The following IL1RAPL1 variants were observed in gnomAD, a reference collection of about 807,000 sequenced individuals.
The protein encoded by IL1RAPL1 is interleukin-1 receptor accessory protein-like 1.
Under a neutral mutation model 48.4 loss-of-function variants are expected in IL1RAPL1, and 3 were observed. The observed-to-expected ratio is 0.06, with a 90% confidence interval of 0.03 to 0.16. The LOEUF is 0.16. Among genes scored for constraint, IL1RAPL1 ranks in the 10% least tolerant of loss-of-function variants. IL1RAPL1 has a pLI of 1.00. For missense variants in IL1RAPL1, 349 were observed against 530.6 expected, an observed-to-expected ratio of 0.66 and a Z score of 3.36; for synonymous variants, 185 against 187.7, an observed-to-expected ratio of 0.99 and a Z score of 0.12.
intron 6 of IL1RAPL1, among the ~76,000 whole-genome samples, chrX:29,774,046 G>A (rs1311526836): frequency 9.0e-6 from 1 of 110,587 alleles, no homozygotes; most frequent in African/African-American, 3.3e-5. Context: ...GTTTAGATAT[G>A]AGAAACTACT....
intron 5 of IL1RAPL1, among the ~76,000 whole-genome samples, chrX:29,489,924 A>T (rs1935137655): frequency 8.9e-6 from 1 of 111,815 alleles, no homozygotes; most frequent in Admixed American, 9.5e-5. Context: ...CAGCCTAATT[A>T]TTACCTTTTT....
intron 2 of IL1RAPL1, among the ~76,000 whole-genome samples, chrX:28,843,705 G>C (rs1921435050): frequency 8.9e-6 from 1 of 111,850 alleles, no homozygotes; most frequent in African/African-American, 3.2e-5. Context: ...TTGACTGTAA[G>C]AGTTGCTACA....
In IL1RAPL1 at chrX:28,936,748, A is replaced by G. The variant is rs768186624; in HGVS notation, c.82+147323A>G. On this transcript the variant is annotated intron_variant, in intron 2 of 10. Transcript: ENST00000378993. ...GAGCTTCAGGTTCCTCCTCTTCACA[A>G]TAAAAGTTTTGTGTCACTTGAGTTC... 3.6e-5 allele frequency among the ~76,000 whole-genome samples: 4 copies of G among 110,675 alleles called. No homozygotes were observed. The South Asian group carries it at 1.5e-3, about 42-fold the overall frequency.
chrX:29,401,800 T>C (rs774487039), intron 5 of IL1RAPL1, among the ~76,000 whole-genome samples: 83 of 111,085 alleles, frequency 7.5e-4, no homozygotes, highest in Non-Finnish European at 1.4e-3. Flanking sequence ...TTATTGAAAA[T>C]GTATATCCTT....
intron 9 of IL1RAPL1, among the ~76,000 whole-genome samples, chrX:29,943,658 C>G (rs1013912173): frequency 3.6e-5 from 4 of 111,898 alleles, no homozygotes; most frequent in African/African-American, 1.3e-4. Flanking sequence ...TTCTATTAAC[C>G]CTGTTTTGAA....
intron 6 of IL1RAPL1, among the ~76,000 whole-genome samples, chrX:29,726,700 C>T (rs1012532328): frequency 8.9e-6 from 1 of 111,925 alleles, no homozygotes; most frequent in Non-Finnish European, 1.9e-5. Flanking sequence ...AGAGGGGAGG[C>T]AGTGGCTCAT....
At position 29,459,521 on chromosome X, in the gene IL1RAPL1, G is replaced by A. The variant is rs192241055; in HGVS notation, c.703+60213G>A. On this transcript the variant is annotated intron_variant, in intron 5 of 10. Transcript: ENST00000378993. The stretch of plus-strand genomic sequence containing the variant: ...AGTAAGGGACTGTAAACAAGCGAGC[G>A]GATTGGAAGAGTGTCATAATAGCTT... Among the ~76,000 whole-genome samples the A allele has an allele frequency of 5.1e-3, 568 of 111,311 alleles. 8 individuals are homozygous for A. Among genetic ancestry groups the A allele is most frequent in the African/African-American group, 0.018 (541 of 30,647 alleles).
intron 5 of IL1RAPL1, among the ~76,000 whole-genome samples, chrX:29,634,328 C>T (rs186532041): frequency 4.5e-5 from 5 of 110,842 alleles, no homozygotes; most frequent in Non-Finnish European, 9.4e-5. Flanking sequence ...TATAACCATC[C>T]CATATTGAGG....
chrX:29,536,186 A>C (rs967172618), intron 5 of IL1RAPL1, among the ~76,000 whole-genome samples: 20 of 112,260 alleles, frequency 1.8e-4, no homozygotes, highest in African/African-American at 6.5e-4. Context: ...TTTATGGTGT[A>C]CTACTAAGAA....
At chrX:29,701,384 C>A (rs1052788342) in intron 6 of IL1RAPL1, among the ~76,000 whole-genome samples, 2 of 112,245 alleles carry the variant, frequency 1.8e-5, no homozygotes, top group Non-Finnish European at 1.9e-5. Flanking sequence ...ACAGTGTCAA[C>A]ATCTCAAGAA....
At chrX:29,926,583 A>G (rs1429941804) in intron 8 of IL1RAPL1, among the ~76,000 whole-genome samples, 2 of 112,186 alleles carry the variant, frequency 1.8e-5, no homozygotes, top group African/African-American at 6.5e-5. Flanking sequence ...AATGTGATGA[A>G]TGGGCTGATT....
At chrX:28,687,570 C>T (rs1935125866) in intron 1 of IL1RAPL1, among the ~76,000 whole-genome samples, 1 of 106,229 alleles carries the variant, frequency 9.4e-6, no homozygotes, top group Admixed American at 1.0e-4. Context: ...ATCACAAGGT[C>T]AGGAGATCGA....
chrX:28,865,416 G>A (rs772749281), intron 2 of IL1RAPL1, among the ~76,000 whole-genome samples: 1 of 100,432 alleles, frequency 1.0e-5, no homozygotes, highest in South Asian at 5.0e-4. Flanking sequence ...TCCAGCCTGG[G>A]TGACAGAAGG....
chrX:28,598,627 GTTT>G (rs56397783), intron 1 of IL1RAPL1, among the ~76,000 whole-genome samples: 3 of 87,143 alleles, frequency 3.4e-5, no homozygotes, highest in Non-Finnish European at 2.3e-5. Flanking sequence ...AAATTTGTAG[GTTT>G]TTTTTTTTTT....
At chrX:29,636,284 G>T (rs1246754589) in intron 5 of IL1RAPL1, among the ~76,000 whole-genome samples, 1 of 111,981 alleles carries the variant, frequency 8.9e-6, no homozygotes. Flanking sequence ...CCAATTATGA[G>T]AGGATGTTCA....
At chrX:28,852,367 T>C (rs188992554) in intron 2 of IL1RAPL1, among the ~76,000 whole-genome samples, 1,196 of 109,761 alleles carry the variant, frequency 0.011, 20 homozygotes, top group African/African-American at 0.037. Context: ...ATGTTAGATG[T>C]TGATATTTGC....
chrX:29,122,413 A>T (rs868255909), intron 2 of IL1RAPL1, among the ~76,000 whole-genome samples: 19 of 70,964 alleles, frequency 2.7e-4, no homozygotes, highest in African/African-American at 5.7e-4. Context: ...TCTCTCTCAC[A>T]CACACACACA....
chrX:29,746,489 C>T (rs1928337751), intron 6 of IL1RAPL1, among the ~76,000 whole-genome samples: 1 of 111,860 alleles, frequency 8.9e-6, no homozygotes, highest in Non-Finnish European at 1.9e-5. Context: ...GGAAGGGAAG[C>T]CAAAGAATTA....
At chrX:29,708,689 G>A (rs1927263662) in intron 6 of IL1RAPL1, among the ~76,000 whole-genome samples, 1 of 112,276 alleles carries the variant, frequency 8.9e-6, no homozygotes, top group Non-Finnish European at 1.9e-5. Context: ...TGGGAGTGCA[G>A]ATAGCTCTTC....
Sources: allele counts gnomAD v4.1 joint callset (sites outside exome capture counted in the v4.1 genomes callset), GRCh38; gene constraint gnomAD v4.1.1; transcripts MANE v1.5; gene names NCBI Gene and HGNC (gene_info 2026-07-23, HGNC 2026-07-21).